The following ATXN2 variants were observed in gnomAD, a reference collection of about 807,000 sequenced individuals.
The protein encoded by ATXN2 is ataxin 2.
A neutral mutation model predicts 138.6 loss-of-function variants in ATXN2; 37 were observed. The observed-to-expected ratio is 0.27, with a 90% CI of 0.21 to 0.35. The LOEUF (loss-of-function observed/expected upper bound fraction) is 0.35. ATXN2 is among the 10% of genes least tolerant of loss of function. The pLI is 1.00. For missense variants in ATXN2, 1,216 were observed against 1,480.3 expected (o/e 0.82, Z 2.93); for synonymous variants, 549 against 543.7 (o/e 1.01, Z -0.13).
At chr12:111,469,976 T>G (rs554232846) in intron 20 of ATXN2, 132 bp downstream of exon 20, 3 of 1,095,682 alleles carry the variant, frequency 2.7e-6, no homozygotes, top group African/African-American at 1.6e-5. Flanking sequence ...AGAAATGGGT[T>G]CATCTTTTCC....
At chr12:111,538,479 T>C (rs1006936969) in intron 5 of ATXN2, among the ~76,000 whole-genome samples, 1 of 150,646 alleles carries the variant, frequency 6.6e-6, no homozygotes, top group Admixed American at 6.6e-5. Flanking sequence ...GCCACCCGAA[T>C]AGCTGGGACT....
At chr12:111,501,108 A>G (rs573944366) in intron 14 of ATXN2, among the ~76,000 whole-genome samples, 2 of 152,304 alleles carry the variant, frequency 1.3e-5, no homozygotes, top group South Asian at 4.1e-4. Context: ...CTTTATCTAA[A>G]TATCTCACAG....
At chr12:111,510,608 T>A in intron 11 of ATXN2, 26 bp from the exon 12 acceptor site, 2 of 1,558,600 alleles carry the variant, frequency 1.3e-6, no homozygotes, top group African/African-American at 1.4e-5. Flanking sequence ...AATGTATTTA[T>A]TACATTCTCA....
intron 2 of ATXN2, among the ~76,000 whole-genome samples, chr12:111,554,661 G>A (rs1006266992): frequency 2.0e-5 from 3 of 152,116 alleles, no homozygotes; most frequent in Admixed American, 6.5e-5. Context: ...GACACAAACC[G>A]TAAGGATGGA....
At chr12:111,457,446 G>T in intron 21 of ATXN2, 87 bp from the exon 22 acceptor site, 1 of 1,453,106 alleles carries the variant, frequency 6.9e-7, no homozygotes, top group Non-Finnish European at 9.3e-7. Context: ...GAACTTTCTT[G>T]ATGGTTACAA....
Position 111,490,212 on chromosome 12 carries a change from T to A in ATXN2, c.1936-1432A>T, listed in dbSNP as rs929273461. Among the ~76,000 whole-genome samples, 1,044 of 120,454 alleles carry A rather than the reference T, an allele frequency of 8.7e-3. 4 individuals carry two copies. Among genetic ancestry groups the A allele is most frequent in the Non-Finnish European group, 0.013 (721 of 55,416 alleles). The allele number at this position is 120,454 out of a possible 152,430, so 79.0% of individuals were successfully genotyped here. On this transcript the variant is annotated intron_variant, in intron 14 of 24. Transcript: ENST00000673436. ...ACAGAGCAAGACTCCATCTAAAAATTAAAAAAAAAAAAAAAAAAGTTTTAA... is the reference window on the plus strand; with the variant it reads ...ACAGAGCAAGACTCCATCTAAAAATAAAAAAAAAAAAAAAAAAAGTTTTAA...
At position 111,598,978 on chromosome 12, in the gene ATXN2, TTGCTGCTGCTGCTGCTGCTGCTGCTGC is replaced by T; in HGVS notation, c.30_56del (p.Gln20_Gln28del). The T allele has an allele frequency of 4.6e-6, 6 of 1,292,192 alleles. No individual in the cohort carries two copies. Among genetic ancestry groups the T allele is most frequent in the Non-Finnish European group, 6.2e-6 (6 of 974,550 alleles). 80.0% of individuals were successfully genotyped at this position (1,292,192 alleles called of 1,614,324 possible). A position where few individuals can be genotyped will look rare whatever the true frequency, so the allele number is the denominator to read the frequency against. ...GCTGCTGCTGCTGCTGCTGCTGCTG[TTGCTGCTGCTGCTGCTGCTGCTGCTGC>T]TGCTGCTGCTGCTGGGGCTTCAGCG... On this transcript the variant is annotated inframe_deletion, in exon 1 of 25. Coordinates refer to ENST00000673436, the MANE Select transcript of ATXN2 (RefSeq NM_001372574.1). This position sits in a 1 kb window ranked among gnomAD's most constrained non-coding sequence, Gnocchi z 4.5.
chr12:111,491,086 T>C (rs1471725951), intron 14 of ATXN2, among the ~76,000 whole-genome samples: 1 of 151,998 alleles, frequency 6.6e-6, no homozygotes, highest in African/African-American at 2.4e-5. Flanking sequence ...ACCTCATCTC[T>C]ACTAAAAAAC....
rs957232915 is a variant in ATXN2 at position 111,598,025 on chromosome 12, G to A, written c.251+759C>T. The A allele has an allele frequency of 1.9e-4, 221 of 1,190,212 alleles. No homozygotes were observed. Among genetic ancestry groups the A allele is most frequent in the Non-Finnish European group, 2.3e-4 (213 of 941,054 alleles). The allele number at this position is 1,190,212 out of a possible 1,614,324, so 73.7% of individuals were successfully genotyped here. A position where few individuals can be genotyped will look rare whatever the true frequency, so the allele number is the denominator to read the frequency against. On this transcript the variant is annotated intron_variant, in intron 1 of 24. Transcript: ENST00000673436. The surrounding 1 kb of genome is among the most constrained non-coding windows in gnomAD (Gnocchi z 4.5). ...GGGGAAGGAGGAAGGCCGGGACGGG[G>A]CCGGGCACTCCCCACCCCTTCCCTT...
chr12:111,558,952 T>TAAAAA (rs11439568), intron 1 of ATXN2, among the ~76,000 whole-genome samples: 1 of 141,408 alleles, frequency 7.1e-6, no homozygotes, highest in Non-Finnish European at 1.5e-5. Context: ...CAATTTCCCT[T>TAAAAA]AAAAAAAAAA....
At chr12:111,597,925 A>C in intron 1 of ATXN2, 1 of 1,268,164 alleles carries the variant, frequency 7.9e-7, no homozygotes, top group Non-Finnish European at 1.0e-6. Flanking sequence ...CCGATGTTCC[A>C]CAGGCGCCTT....
intron 23 of ATXN2, chr12:111,454,768 T>C (rs1874937676): frequency 2.3e-6 from 1 of 428,498 alleles, no homozygotes; most frequent in Middle Eastern, 7.1e-4. Flanking sequence ...GTGTTAACCT[T>C]TTTGCCCTTT....
At chr12:111,472,375 T>C (rs904732649) in intron 18 of ATXN2, among the ~76,000 whole-genome samples, 1 of 152,014 alleles carries the variant, frequency 6.6e-6, no homozygotes, top group African/African-American at 2.4e-5. Context: ...CCTCAAAGGA[T>C]TGGAATTTAG....
intron 14 of ATXN2, among the ~76,000 whole-genome samples, chr12:111,500,370 A>C (rs961682267): frequency 6.6e-6 from 1 of 152,214 alleles, no homozygotes; most frequent in African/African-American, 2.4e-5. Flanking sequence ...ACAGAAAGAT[A>C]AACTTTGCAT....
intron 6 of ATXN2, among the ~76,000 whole-genome samples, chr12:111,521,220 T>G (rs1880140777): frequency 6.6e-6 from 1 of 152,226 alleles, no homozygotes; most frequent in East Asian, 1.9e-4. Context: ...TTTTAATTAC[T>G]TCATAAAATA....
At chr12:111,568,703 T>TC (rs1337104170) in intron 1 of ATXN2, among the ~76,000 whole-genome samples, 1 of 152,134 alleles carries the variant, frequency 6.6e-6, no homozygotes, top group Non-Finnish European at 1.5e-5. Context: ...CTACAGCAGC[T>TC]CCCCAACTAT....
In ATXN2 at chr12:111,538,842, C is replaced by A. The variant is rs1881337853; in HGVS notation, c.571+13438G>T. On this transcript the variant is annotated intron_variant, in intron 5 of 24. Transcript: ENST00000673436. ...CTGAAAGCTGAGTGAAGATCAATAG[C>A]CCATGCTCTACAGAATCAAATATAC... Among the ~76,000 whole-genome samples, 3 of 150,224 alleles carry A rather than the reference C, an allele frequency of 2.0e-5. 1 individual carries two copies. In the Middle Eastern group the frequency reaches 0.01, roughly 511 times the overall value.
chr12:111,496,193 CA>C (rs1341690421), intron 14 of ATXN2, among the ~76,000 whole-genome samples: 1 of 151,606 alleles, frequency 6.6e-6, no homozygotes, highest in Non-Finnish European at 1.5e-5. Context: ...AATAAAAATT[CA>C]AAAAAGTTAA....
chr12:111,535,532 G>C (rs1753960744), intron 5 of ATXN2, among the ~76,000 whole-genome samples: 2 of 152,242 alleles, frequency 1.3e-5, no homozygotes, highest in African/African-American at 4.8e-5. Context: ...TCAGGCAGGA[G>C]AATCACTGGA....
Sources: gnomAD v4.1 joint callset for allele counts (sites outside exome capture counted in the v4.1 genomes callset) on GRCh38, gnomAD v4.1.1 for gene constraint, Gnocchi (gnomAD v3.1) non-coding constraint, MANE v1.5 for transcripts, NCBI Gene and HGNC (gene_info 2026-07-23, HGNC 2026-07-21) for gene names.